The following FBXL17 variants were observed in gnomAD, a reference collection of about 807,000 sequenced individuals.
FBXL17 encodes F-box/LRR-repeat protein 17.
Under a neutral mutation model 66.2 loss-of-function variants are expected in FBXL17, and 22 were observed. That is an observed-to-expected ratio of 0.33 (90% CI 0.24 to 0.47). The LOEUF (loss-of-function observed/expected upper bound fraction) is 0.47. Ranked by LOEUF, FBXL17 falls within the 20% of genes least tolerant of loss-of-function variation. The probability of loss-of-function intolerance (pLI) is 1.00; values close to 1 mark genes in which losing one functional copy is unlikely to be tolerated. For missense variants in FBXL17, 878 were observed against 948.2 expected, an observed-to-expected ratio of 0.93 and a Z score of 0.97; for synonymous variants, 474 against 400.5, an observed-to-expected ratio of 1.18 and a Z score of -2.19.
chr5:108,285,743 T>C (rs1007298668), intron 4 of FBXL17, among the ~76,000 whole-genome samples: 2 of 151,684 alleles, frequency 1.3e-5, no homozygotes, highest in East Asian at 3.9e-4. Context: ...TAAACCATGC[T>C]ATAAGTGGGC....
chr5:108,078,130 T>G (rs1187145443), intron 6 of FBXL17, among the ~76,000 whole-genome samples: 1 of 152,224 alleles, frequency 6.6e-6, no homozygotes, highest in East Asian at 1.9e-4. Flanking sequence ...AAAATCTGTT[T>G]GCCTACATCA....
rs1224210511 is a variant in FBXL17 at position 108,381,023 on chromosome 5, G to GCCGCAGCCC, written c.668_669insGGGCTGCGG (p.Gly224_Gly225insCysGlyGly). On this transcript the variant is annotated inframe_insertion, in exon 1 of 9. Transcript: ENST00000542267. Reference sequence around the variant, plus strand: ...GCCCTCCCCCGCCACCGCCGCCGCCGCCGCCGCCGCAGCCCCCGCCGCCGC... The same window carrying GCCGCAGCCC: ...GCCCTCCCCCGCCACCGCCGCCGCCGCCGCAGCCCCCGCCGCCGCAGCCCCCGCCGCCGC... 1 of 1,188,836 alleles carries GCCGCAGCCC rather than the reference G, an allele frequency of 8.4e-7. No individual in the cohort carries two copies. The highest frequency in any genetic ancestry group is 3.6e-5 in the East Asian group (1 of 28,164). 73.6% of individuals were successfully genotyped at this position (1,188,836 alleles called of 1,614,324 possible). A position where few individuals can be genotyped will look rare whatever the true frequency, so the allele number is the denominator to read the frequency against.
At chr5:108,205,726 T>A (rs1754088550) in intron 5 of FBXL17, among the ~76,000 whole-genome samples, 2 of 152,050 alleles carry the variant, frequency 1.3e-5, no homozygotes, top group South Asian at 4.1e-4. Flanking sequence ...TTCAGGCTTT[T>A]TGTTTTGTTT....
At chr5:108,001,021 T>C (rs768653383) in intron 7 of FBXL17, among the ~76,000 whole-genome samples, 13 of 152,170 alleles carry the variant, frequency 8.5e-5, no homozygotes, top group Non-Finnish European at 1.9e-4. Flanking sequence ...AATTATAAAA[T>C]AGCTGTGCAC....
At chr5:108,168,502 C>A (rs905609382) in intron 6 of FBXL17, among the ~76,000 whole-genome samples, 2 of 152,080 alleles carry the variant, frequency 1.3e-5, no homozygotes, top group African/African-American at 4.8e-5. Context: ...TTTAATAGAA[C>A]GTTTGAAATA....
chr5:108,291,263 A>G (rs1196987994), intron 4 of FBXL17, among the ~76,000 whole-genome samples: 1 of 152,192 alleles, frequency 6.6e-6, no homozygotes, highest in African/African-American at 2.4e-5. Flanking sequence ...ACACTGATAC[A>G]TGCAACAAAA....
intron 3 of FBXL17, among the ~76,000 whole-genome samples, chr5:108,353,703 G>A (rs1747787016): frequency 1.3e-5 from 2 of 152,238 alleles, no homozygotes; most frequent in South Asian, 2.1e-4. Context: ...TCCATGTAAG[G>A]AAAGGGATAT....
intron 6 of FBXL17, among the ~76,000 whole-genome samples, chr5:108,064,421 G>A (rs1748038923): frequency 6.6e-6 from 1 of 152,130 alleles, no homozygotes; most frequent in East Asian, 1.9e-4. Context: ...ACCATGATGA[G>A]TGGTGAACAT....
At chr5:107,937,015 G>A (rs1750930887) in intron 7 of FBXL17, among the ~76,000 whole-genome samples, 1 of 151,166 alleles carries the variant, frequency 6.6e-6, no homozygotes, top group South Asian at 2.1e-4. Context: ...AAGTAACCAT[G>A]GATTAAAAAA....
intron 6 of FBXL17, among the ~76,000 whole-genome samples, chr5:108,074,686 T>G (rs1004208141): frequency 2.6e-5 from 4 of 152,198 alleles, no homozygotes; most frequent in African/African-American, 9.6e-5. Context: ...GAGTCTAAAG[T>G]CATGGACAGA....
chr5:108,192,479 A>G (rs1020552780), intron 5 of FBXL17, among the ~76,000 whole-genome samples: 9 of 152,196 alleles, frequency 5.9e-5, no homozygotes, highest in African/African-American at 9.6e-5. Flanking sequence ...AAATTAGTCA[A>G]TGATTGGTAT....
chr5:108,254,309 T>C (rs1198694393), intron 4 of FBXL17, among the ~76,000 whole-genome samples: 3 of 152,206 alleles, frequency 2.0e-5, no homozygotes, highest in Admixed American at 1.3e-4. Flanking sequence ...AAGCTTGAAC[T>C]GTATAAATCA....
chr5:108,162,529 G>A (rs76982562), intron 6 of FBXL17, among the ~76,000 whole-genome samples: 2,017 of 152,176 alleles, frequency 0.013, 22 homozygotes, highest in Non-Finnish European at 0.019. Context: ...TCTGGTAAAT[G>A]AATTAATGAA....
At chr5:108,196,248 C>T (rs1157858298) in intron 5 of FBXL17, among the ~76,000 whole-genome samples, 1 of 151,628 alleles carries the variant, frequency 6.6e-6, no homozygotes, top group African/African-American at 2.4e-5. Context: ...AAAAAAAACG[C>T]TTATAGCAAT....
intron 4 of FBXL17, among the ~76,000 whole-genome samples, chr5:108,264,188 C>A (rs964764859): frequency 2.5e-5 from 3 of 119,776 alleles, no homozygotes; most frequent in African/African-American, 9.7e-5. Context: ...GCACTCCAGC[C>A]TGGGCGACAG....
intron 6 of FBXL17, among the ~76,000 whole-genome samples, chr5:108,078,386 C>A (rs1748634748): frequency 6.6e-6 from 1 of 152,128 alleles, no homozygotes; most frequent in Non-Finnish European, 1.5e-5. Flanking sequence ...TTTAAAGTTT[C>A]AAAGTGGGAA....
intron 4 of FBXL17, among the ~76,000 whole-genome samples, chr5:108,260,393 G>A (rs767003481): frequency 2.6e-5 from 4 of 151,854 alleles, no homozygotes; most frequent in Non-Finnish European, 5.9e-5. Flanking sequence ...TACCACACAG[G>A]GTAGCTATAT....
intron 6 of FBXL17, among the ~76,000 whole-genome samples, chr5:108,139,624 C>T (rs1751276512): frequency 1.3e-5 from 2 of 152,202 alleles, no homozygotes; most frequent in South Asian, 2.1e-4. Flanking sequence ...GGGCCCTACC[C>T]AATTGCTTCT....
chr5:107,999,392 G>A (rs959721496), intron 7 of FBXL17, among the ~76,000 whole-genome samples: 10 of 150,374 alleles, frequency 6.7e-5, no homozygotes, highest in Admixed American at 1.3e-4. Flanking sequence ...TATCACTGCC[G>A]TTCTACAAAG....
Sources: gnomAD v4.1 joint callset for allele counts (sites outside exome capture counted in the v4.1 genomes callset) on GRCh38, gnomAD v4.1.1 for gene constraint, MANE v1.5 for transcripts, NCBI Gene and HGNC (gene_info 2026-07-23, HGNC 2026-07-21) for gene names.